The following PPP2R3B variants were observed in gnomAD, a reference collection of about 807,000 sequenced individuals.
PPP2R3B encodes protein phosphatase 2 regulatory subunit B''beta.
Under a neutral mutation model 72.9 loss-of-function variants are expected in PPP2R3B, and 68 were observed. The ratio of observed to expected loss-of-function variants is 0.93; its 90% CI spans 0.77 to 1.14. The LOEUF (loss-of-function observed/expected upper bound fraction) is 1.14, where lower values mean the gene tolerates loss of function less well. Among genes scored for constraint, PPP2R3B ranks in the 50% most tolerant of loss-of-function variants. The pLI, the probability that PPP2R3B is intolerant of heterozygous loss-of-function variation, is 0.00. For missense variants in PPP2R3B, 1,018 were observed against 842.0 expected, an observed-to-expected ratio of 1.21 and a Z score of -2.59; for synonymous variants, 466 against 375.8, an observed-to-expected ratio of 1.24 and a Z score of -2.78.
At chrX:337,304 T>A (rs1180876095) in intron 12 of PPP2R3B, 1 of 152,094 alleles carries the variant, frequency 6.6e-6, no homozygotes, top group East Asian at 1.9e-4. Context: ...ATGGTCTCGA[T>A]CTCCTGACCT....
At chrX:379,345 C>T (rs1385436030) in intron 1 of PPP2R3B, among the ~76,000 whole-genome samples, 132 of 145,020 alleles carry the variant, frequency 9.1e-4, no homozygotes, top group African/African-American at 3.5e-3. Context: ...ACCTGTTATG[C>T]ACCTGTGTGT....
intron 12 of PPP2R3B, 71 bp downstream of exon 12, chrX:338,533 C>T (rs1165736439): frequency 1.8e-5 from 7 of 379,372 alleles, no homozygotes; most frequent in Non-Finnish European, 2.6e-5. Context: ...CGTCCTCCCA[C>T]TCACCCGTCC....
chrX:341,451 AG>A, intron 8 of PPP2R3B, 55 bp from the exon 9 acceptor site: 3 of 1,584,016 alleles, frequency 1.9e-6, no homozygotes, highest in Non-Finnish European at 2.6e-6. Context: ...AGAGCTTCAC[AG>A]GAACGGAGCC....
intron 1 of PPP2R3B, among the ~76,000 whole-genome samples, chrX:380,589 C>T (rs2072101029): frequency 6.6e-6 from 1 of 151,970 alleles, no homozygotes; most frequent in Non-Finnish European, 1.5e-5. Flanking sequence ...AGTTCAAGAC[C>T]AGCCTGACCA....
intron 1 of PPP2R3B, among the ~76,000 whole-genome samples, chrX:364,817 A>AG (rs1233058389): frequency 1.7e-5 from 1 of 59,062 alleles, no homozygotes; most frequent in Non-Finnish European, 2.8e-5. Flanking sequence ...CAGGAGGCGG[A>AG]GGTTGCAGTG....
chrX:378,137 G>A (rs1369615122), intron 1 of PPP2R3B, among the ~76,000 whole-genome samples: 1 of 151,930 alleles, frequency 6.6e-6, no homozygotes, highest in Non-Finnish European at 1.5e-5. Context: ...TGCGAGGCCT[G>A]TTTTCAGCCT....
Position 334,686 on chromosome X carries a change from C to T in PPP2R3B, c.1578-169G>A, listed in dbSNP as rs180850864. ...GCAACGCGCTCCTGGCTGAGGACGCCGGCTCCACGAATGCTCCCGGGGGAG... is the reference window on the plus strand; with the variant it reads ...GCAACGCGCTCCTGGCTGAGGACGCTGGCTCCACGAATGCTCCCGGGGGAG... On this transcript the variant is annotated intron_variant, in intron 12 of 12. Coordinates refer to ENST00000390665, the MANE Select transcript of PPP2R3B (RefSeq NM_013239.5). 1.3e-5 allele frequency: 10 copies of T among 788,820 alleles called. No homozygotes were observed. The East Asian group carries it at 1.7e-4, about 13-fold the overall frequency. The allele number at this position is 788,820 out of a possible 1,614,324, so 48.9% of individuals were successfully genotyped here. A position where few individuals can be genotyped will look rare whatever the true frequency, so the allele number is the denominator to read the frequency against.
Position 368,808 on chromosome X carries a change from C to T in PPP2R3B, c.325-7218G>A, listed in dbSNP as rs866147492. Among the ~76,000 whole-genome samples, 64 of 68,652 alleles carry T rather than the reference C, an allele frequency of 9.3e-4. 1 individual carries two copies. Among genetic ancestry groups the T allele is most frequent in the African/African-American group, 1.1e-3 (17 of 15,118 alleles). The allele number at this position is 68,652 out of a possible 152,430, so 45.0% of individuals were successfully genotyped here. On this transcript the variant is annotated intron_variant, in intron 1 of 12. Coordinates refer to ENST00000390665, the MANE Select transcript of PPP2R3B (RefSeq NM_013239.5). The stretch of plus-strand genomic sequence containing the variant: ...CGGGGAAGGCCGGGACCACCCACCC[C>T]GGGCACTGACGGGGGGAAGGCCGGG...
rs750636487 is a variant in PPP2R3B at position 380,639 on chromosome X, GC to G, written c.324+5728del. Among the ~76,000 whole-genome samples the G allele has an allele frequency of 9.9e-5, 15 of 152,050 alleles. No homozygotes were observed. The East Asian group carries it at 2.1e-3, about 22-fold the overall frequency. ...CATCTCTACTAAAAATACAAAACTAGCCGGGCGTGGTGGCGGGTGCCTGTAA... is the reference window on the plus strand; with the variant it reads ...CATCTCTACTAAAAATACAAAACTAGCGGGCGTGGTGGCGGGTGCCTGTAA... On this transcript the variant is annotated intron_variant, in intron 1 of 12. Transcript: ENST00000390665.
chrX:363,545 GCGATCCCGCAGTGCATCTCCATGAGTCCA>G (rs2071601351), intron 1 of PPP2R3B, among the ~76,000 whole-genome samples: 6 of 3,048 alleles, frequency 2.0e-3, no homozygotes, highest in Admixed American at 3.8e-3. Context: ...CCCCGAGCCC[GCGATCCCGCAGTGCATCTCCATGAGTCCA>G]CGATCCCACA....
intron 2 of PPP2R3B, among the ~76,000 whole-genome samples, chrX:353,148 TG>T (rs1211493680): frequency 6.6e-6 from 1 of 151,698 alleles, no homozygotes; most frequent in African/African-American, 2.4e-5. Flanking sequence ...CCAAGGCGGG[TG>T]GATCACCCGA....
chrX:378,809 C>T (rs1179841497), intron 1 of PPP2R3B, among the ~76,000 whole-genome samples: 10 of 152,124 alleles, frequency 6.6e-5, no homozygotes, highest in Non-Finnish European at 1.2e-4. Context: ...ACTATGAAAA[C>T]GTGAATAGGT....
rs781513774 is a variant in PPP2R3B at position 345,702 on chromosome X, G to C, written c.880-30C>G. On this transcript the variant is annotated intron_variant, in intron 6 of 12. Coordinates refer to ENST00000390665, the MANE Select transcript of PPP2R3B (RefSeq NM_013239.5). ...CAAAGGACCCAGGCGGCCTGAGCGC[G>C]GGGCCTCTGCGGGGATGCCCCAAGT... 6.8e-6 allele frequency: 11 copies of C among 1,608,320 alleles called. No individual in the cohort carries two copies. The East Asian group carries it at 1.8e-4, about 26-fold the overall frequency.
At chrX:351,773 G>A (rs1196516222) in intron 2 of PPP2R3B, among the ~76,000 whole-genome samples, 2 of 152,212 alleles carry the variant, frequency 1.3e-5, no homozygotes, top group Non-Finnish European at 2.9e-5. Context: ...TCACAGCTCA[G>A]TGCAGTCTCA....
Position 345,421 on chromosome X carries a change from A to G in PPP2R3B, c.1036+95T>C, listed in dbSNP as rs963632544. The G allele has an allele frequency of 3.3e-6, 5 of 1,500,702 alleles. No homozygotes were observed. In the African/African-American group the frequency reaches 4.2e-5, roughly 12 times the overall value. The allele number at this position is 1,500,702 out of a possible 1,614,324, so 93.0% of individuals were successfully genotyped here. A position where few individuals can be genotyped will look rare whatever the true frequency, so the allele number is the denominator to read the frequency against. On this transcript the variant is annotated intron_variant, in intron 7 of 12. Coordinates refer to ENST00000390665, the MANE Select transcript of PPP2R3B (RefSeq NM_013239.5). ...AGGCAGCTGCAGACACAGAGCTGGG[A>G]GTGCGGAAGGAGAGGCAGCTGCAGA...
intron 2 of PPP2R3B, among the ~76,000 whole-genome samples, chrX:351,113 T>G (rs2071323265): frequency 6.6e-6 from 1 of 152,064 alleles, no homozygotes; most frequent in Non-Finnish European, 1.5e-5. Flanking sequence ...TGTGGATGAC[T>G]TGAAGGCAGC....
chrX:380,390 A>T (rs2072096758), intron 1 of PPP2R3B, among the ~76,000 whole-genome samples: 1 of 152,178 alleles, frequency 6.6e-6, no homozygotes, highest in Admixed American at 6.5e-5. Flanking sequence ...AAAAGCAAAC[A>T]CACGACCTGA....
intron 1 of PPP2R3B, among the ~76,000 whole-genome samples, chrX:369,831 C>A (rs944364661): frequency 7.9e-5 from 12 of 152,250 alleles, no homozygotes; most frequent in African/African-American, 2.2e-4. Context: ...AACGCACAGC[C>A]GTGCCCCCAG....
At chrX:361,333 G>A (rs1191348497) in intron 2 of PPP2R3B, 72 bp downstream of exon 2, 92 of 1,564,254 alleles carry the variant, frequency 5.9e-5, no homozygotes, top group Non-Finnish European at 7.6e-5. Context: ...CACCCACCAC[G>A]GCCGCTCCGC....
Sources: gnomAD v4.1 joint callset for allele counts (sites outside exome capture counted in the v4.1 genomes callset) on GRCh38, gnomAD v4.1.1 for gene constraint, MANE v1.5 for transcripts, NCBI Gene and HGNC (gene_info 2026-07-23, HGNC 2026-07-21) for gene names.